The following ATE1 variants were observed in gnomAD, a reference collection of about 807,000 sequenced individuals.
The protein encoded by ATE1 is arginyl-tRNA--protein transferase 1.
ATE1 carries 36 observed loss-of-function variants against 70.5 expected under a neutral mutation model. The ratio of observed to expected loss-of-function variants is 0.51; its 90% CI spans 0.39 to 0.67. The LOEUF (loss-of-function observed/expected upper bound fraction) is 0.67, where lower values mean the gene tolerates loss of function less well. Among genes scored for constraint, ATE1 ranks in the 30% least tolerant of loss-of-function variants. The pLI, the probability that ATE1 is intolerant of heterozygous loss-of-function variation, is 0.00. For synonymous variants in ATE1, 232 were observed against 219.3 expected (o/e 1.06, Z -0.51); for missense variants, 593 against 629.5 (o/e 0.94, Z 0.62).
Position 121,793,061 on chromosome 10 carries a change from TAAC to T in ATE1, c.1258-2775_1258-2773del, listed in dbSNP as rs556278009. ...TGTATCCGGAATATATAAAGAATTA[TAAC>T]AACTCAATAATAAGAACACAATGCA... is the stretch of plus-strand genomic sequence containing the variant. On this transcript the variant is annotated intron_variant, in intron 10 of 11. Coordinates refer to ENST00000224652, the MANE Select transcript of ATE1 (RefSeq NM_001001976.3). Among the ~76,000 whole-genome samples, 515 of 152,268 alleles carry T rather than the reference TAAC, an allele frequency of 3.4e-3. 4 individuals carry two copies. Among genetic ancestry groups the T allele is most frequent in the African/African-American group, 0.012 (496 of 41,558 alleles).
At chr10:121,914,866 G>A (rs1951583266) in intron 3 of ATE1, among the ~76,000 whole-genome samples, 1 of 152,162 alleles carries the variant, frequency 6.6e-6, no homozygotes, top group Admixed American at 6.5e-5. Context: ...AACAACAGCA[G>A]GTTATGAAAT....
At chr10:121,826,077 A>G (rs1012072525) in intron 10 of ATE1, among the ~76,000 whole-genome samples, 4 of 152,220 alleles carry the variant, frequency 2.6e-5, no homozygotes, top group Non-Finnish European at 5.9e-5. Context: ...AGAAAGACAA[A>G]TGCTATGATT....
chr10:121,860,042 T>C (rs1337125981), intron 8 of ATE1, among the ~76,000 whole-genome samples: 1 of 152,192 alleles, frequency 6.6e-6, no homozygotes, highest in African/African-American at 2.4e-5. Flanking sequence ...TAAAACAGCA[T>C]AGTGGACACA....
chr10:121,785,530 G>C lies in ATE1; in HGVS notation c.1378+4639C>G, dbSNP rs1036565665. Among the ~76,000 whole-genome samples, 3 of 152,240 alleles carry C rather than the reference G, an allele frequency of 2.0e-5. No individual in the cohort carries two copies. In the East Asian group the frequency reaches 5.8e-4, roughly 29 times the overall value. On this transcript the variant is annotated intron_variant, in intron 11 of 11. Coordinates refer to ENST00000224652, the MANE Select transcript of ATE1 (RefSeq NM_001001976.3). ...TTACTTTTTCTGTGGGCATATGCTAGAGAAACTATGAAAGTATAAAAAAAA... is the reference window on the plus strand; with the variant it reads ...TTACTTTTTCTGTGGGCATATGCTACAGAAACTATGAAAGTATAAAAAAAA...
intron 11 of ATE1, 38 bp from the exon 12 acceptor site, chr10:121,743,896 A>G (rs1226257887): frequency 6.6e-7 from 1 of 1,522,030 alleles, no homozygotes; most frequent in East Asian, 2.3e-5. Context: ...AAAATGTCAC[A>G]TATCAAAACT....
At chr10:121,836,686 TA>T in intron 10 of ATE1, 31 bp downstream of exon 10, 6 of 1,334,736 alleles carry the variant, frequency 4.5e-6, no homozygotes, top group Non-Finnish European at 6.2e-6. Context: ...TTTTCTATAA[TA>T]AAAATACACA....
At chr10:121,762,934 TCATTATA>T (rs1945114367) in intron 11 of ATE1, among the ~76,000 whole-genome samples, 1 of 152,240 alleles carries the variant, frequency 6.6e-6, no homozygotes, top group Non-Finnish European at 1.5e-5. Flanking sequence ...AAAATTGATT[TCATTATA>T]CATTAGTTCG....
intron 5 of ATE1, 119 bp downstream of exon 5, chr10:121,910,785 TTC>T: frequency 7.7e-7 from 1 of 1,299,402 alleles, no homozygotes; most frequent in South Asian, 1.3e-5. Flanking sequence ...CAAAGCAGGG[TTC>T]TGTTTTACAG....
chr10:121,901,313 T>C (rs1473715318), intron 6 of ATE1, among the ~76,000 whole-genome samples: 1 of 152,122 alleles, frequency 6.6e-6, no homozygotes, highest in Non-Finnish European at 1.5e-5. Context: ...TATACTGAAT[T>C]AAGGCTTAGA....
chr10:121,797,698 T>A (rs1361346528), intron 10 of ATE1, among the ~76,000 whole-genome samples: 1 of 152,108 alleles, frequency 6.6e-6, no homozygotes, highest in Admixed American at 6.6e-5. Flanking sequence ...TCCTCCATCA[T>A]GTCACCTTCG....
chr10:121,927,037 G>C (rs113985432), intron 1 of ATE1: 3 of 985,214 alleles, frequency 3.0e-6, no homozygotes, highest in Non-Finnish European at 3.6e-6. Flanking sequence ...TGCGAATCTC[G>C]TTTTCCACAA....
intron 11 of ATE1, among the ~76,000 whole-genome samples, chr10:121,759,187 C>T (rs1944930340): frequency 6.6e-6 from 1 of 152,132 alleles, no homozygotes; most frequent in Admixed American, 6.5e-5. Flanking sequence ...AGTGCTATTC[C>T]AGTGAACACA....
chr10:121,818,355 T>G (rs752907265), intron 10 of ATE1, among the ~76,000 whole-genome samples: 8 of 151,794 alleles, frequency 5.3e-5, no homozygotes, highest in Non-Finnish European at 1.0e-4. Context: ...AAAAGTGAGT[T>G]AGTCAAAGAT....
intron 7 of ATE1, among the ~76,000 whole-genome samples, chr10:121,892,055 T>A (rs79811163): frequency 0.014 from 2,111 of 152,256 alleles, 45 homozygotes; most frequent in African/African-American, 0.048. Flanking sequence ...AGGGGAAAAG[T>A]ACATTTGAAC....
chr10:121,763,731 C>G (rs1945154578), intron 11 of ATE1, among the ~76,000 whole-genome samples: 1 of 152,092 alleles, frequency 6.6e-6, no homozygotes, highest in Non-Finnish European at 1.5e-5. Context: ...AGAACATACC[C>G]AGCCGGGCGC....
intron 8 of ATE1, among the ~76,000 whole-genome samples, chr10:121,845,882 TATAGATATGTGC>T (rs1398660964): frequency 2.0e-5 from 3 of 152,188 alleles, no homozygotes; most frequent in African/African-American, 7.2e-5. Context: ...GTGCATAGAT[TATAGATATGTGC>T]ATATATATGC....
At chr10:121,842,024 C>T (rs1948649167) in intron 8 of ATE1, among the ~76,000 whole-genome samples, 1 of 152,186 alleles carries the variant, frequency 6.6e-6, no homozygotes, top group South Asian at 2.1e-4. Context: ...AGGTGAGATA[C>T]TGCCAGTTAA....
intron 8 of ATE1, among the ~76,000 whole-genome samples, chr10:121,845,284 A>T (rs749280595): frequency 6.6e-6 from 1 of 152,226 alleles, no homozygotes; most frequent in Non-Finnish European, 1.5e-5. Context: ...AATGATGAAT[A>T]GATGAAGCAC....
At chr10:121,803,130 C>T (rs1485434417) in intron 10 of ATE1, among the ~76,000 whole-genome samples, 2 of 152,132 alleles carry the variant, frequency 1.3e-5, no homozygotes, top group Admixed American at 1.3e-4. Flanking sequence ...TCCCCTTCCA[C>T]CCCCTGACCT....
Sources: allele counts gnomAD v4.1 joint callset (sites outside exome capture counted in the v4.1 genomes callset), GRCh38; gene constraint gnomAD v4.1.1; transcripts MANE v1.5; gene names NCBI Gene and HGNC (gene_info 2026-07-23, HGNC 2026-07-21).